RALYL: variants seen among roughly 807,000 people sequenced by gnomAD.
The protein encoded by RALYL is RALY RNA binding protein like, also known as RNA-binding Raly-like protein.
A neutral mutation model predicts 35.1 loss-of-function variants in RALYL; 29 were observed. The observed-to-expected ratio is 0.83, with a 90% CI of 0.61 to 1.13. The LOEUF is 1.13. Among genes scored for constraint, RALYL ranks in the 50% most tolerant of loss-of-function variants. RALYL has a pLI of 0.00. For missense variants in RALYL, 359 were observed against 360.4 expected, an observed-to-expected ratio of 1.00 and a Z score of 0.03; for synonymous variants, 120 against 127.6, an observed-to-expected ratio of 0.94 and a Z score of 0.40.
chr8:84,529,415 A>G lies in RALYL; in HGVS notation c.94A>G (p.Ile32Val), dbSNP rs968698549. The G allele has an allele frequency of 6.2e-7, 1 of 1,613,152 alleles. No individual in the cohort carries two copies. The highest frequency in any genetic ancestry group is 1.3e-5 in the African/African-American group (1 of 75,038). The change falls in exon 2 of 9, where the codon ATT becomes GTT. Residue 32 changes from isoleucine to valine, a missense_variant. Physicochemically the swap from Ile to Val is conservative, Grantham distance 29. Coordinates refer to ENST00000521268, the MANE Select transcript of RALYL (RefSeq NM_173848.7). Reference sequence around the variant, plus strand: ...TTTCATCGGCAATCTAAATACGGCAATTGTCAAGAAAGTTGACATTGAAGC... The same window carrying G: ...TTTCATCGGCAATCTAAATACGGCAGTTGTCAAGAAAGTTGACATTGAAGC... ...RVFIGNLNTA[I>V]VKKVDIEAIF...
At position 84,410,447 on chromosome 8, in the gene RALYL, G is replaced by C. The variant is rs369776133; in HGVS notation, c.-23-118852G>C. ...ATAAAACAATTATCAGAGTGTATCT[G>C]TCATGTATTAGACATAATAAGCGTA... On this transcript the variant is annotated intron_variant, in intron 1 of 8. Transcript: ENST00000521268. Among the ~76,000 whole-genome samples the C allele has an allele frequency of 1.5e-3, 229 of 151,992 alleles. 2 individuals are homozygous for C. The highest frequency in any genetic ancestry group is 4.5e-3 in the African/African-American group (186 of 41,534).
intron 1 of RALYL, among the ~76,000 whole-genome samples, chr8:84,306,662 A>C (rs556196574): frequency 6.6e-6 from 1 of 152,200 alleles, no homozygotes; most frequent in Non-Finnish European, 1.5e-5. Context: ...ACAGCTCTGC[A>C]GGAGCTGACA....
chr8:84,257,226 A>ATCATCT (rs1237208973), intron 1 of RALYL, among the ~76,000 whole-genome samples: 2 of 152,066 alleles, frequency 1.3e-5, no homozygotes. Flanking sequence ...GCTGAGAAAA[A>ATCATCT]GATTGCGTGA....
In RALYL at chr8:84,620,236, A is replaced by C. The variant is rs1481317888; in HGVS notation, c.256+90659A>C. On this transcript the variant is annotated intron_variant, in intron 2 of 8. Coordinates refer to ENST00000521268, the MANE Select transcript of RALYL (RefSeq NM_173848.7). ...CCCATCACTTTCAGGTACACCAATCAGACGTAGATTTGGTCTTTTCACATA... is the reference window on the plus strand; with the variant it reads ...CCCATCACTTTCAGGTACACCAATCCGACGTAGATTTGGTCTTTTCACATA... Among the ~76,000 whole-genome samples the C allele has an allele frequency of 5.3e-5, 8 of 152,336 alleles. No homozygotes were observed. In the East Asian group the frequency reaches 1.3e-3, roughly 26 times the overall value.
intron 1 of RALYL, among the ~76,000 whole-genome samples, chr8:84,508,191 C>A (rs981056239): frequency 4.6e-5 from 7 of 151,954 alleles, no homozygotes; most frequent in African/African-American, 1.7e-4. Context: ...TGTTCAAGTT[C>A]ACATGCCTTG....
At chr8:84,550,298 A>C (rs1401354200) in intron 2 of RALYL, among the ~76,000 whole-genome samples, 1 of 152,094 alleles carries the variant, frequency 6.6e-6, no homozygotes, top group Non-Finnish European at 1.5e-5. Flanking sequence ...TATAAAAACT[A>C]GATTGGCAGT....
intron 8 of RALYL, among the ~76,000 whole-genome samples, chr8:84,903,657 C>T (rs190414749): frequency 2.6e-5 from 4 of 152,110 alleles, no homozygotes; most frequent in Admixed American, 6.6e-5. Context: ...TAGCCTTGCA[C>T]GTAGTTTGCC....
intron 1 of RALYL, among the ~76,000 whole-genome samples, chr8:84,419,464 G>A (rs111240147): frequency 1.6e-4 from 24 of 151,440 alleles, no homozygotes; most frequent in Admixed American, 7.2e-4. Context: ...CCTAAAACTT[G>A]TCTTCATCTA....
chr8:84,304,044 TTTCTC>T (rs1841319761), intron 1 of RALYL, among the ~76,000 whole-genome samples: 1 of 152,158 alleles, frequency 6.6e-6, no homozygotes, highest in Non-Finnish European at 1.5e-5. Flanking sequence ...TAATGGGAAC[TTTCTC>T]TTTTTATTGG....
At chr8:84,387,326 A>G (rs1257551950) in intron 1 of RALYL, among the ~76,000 whole-genome samples, 1 of 151,910 alleles carries the variant, frequency 6.6e-6, no homozygotes, top group African/African-American at 2.4e-5. Flanking sequence ...TTCTTCAAGC[A>G]TGTTATCAAA....
chr8:84,209,957 T>C (rs1177404999), intron 1 of RALYL, among the ~76,000 whole-genome samples: 1 of 152,150 alleles, frequency 6.6e-6, no homozygotes, highest in African/African-American at 2.4e-5. Context: ...TGACAACCTA[T>C]GTAGTGTGAT....
At chr8:84,682,498 A>G (rs899826615) in intron 2 of RALYL, among the ~76,000 whole-genome samples, 3 of 152,096 alleles carry the variant, frequency 2.0e-5, no homozygotes, top group Non-Finnish European at 4.4e-5. Flanking sequence ...TAGGCTATTA[A>G]TTATTGCCTC....
At chr8:84,365,351 T>C (rs186838415) in intron 1 of RALYL, among the ~76,000 whole-genome samples, 1 of 152,276 alleles carries the variant, frequency 6.6e-6, no homozygotes, top group Non-Finnish European at 1.5e-5. Context: ...CCTTTTCAAA[T>C]TGTGTTAATG....
intron 2 of RALYL, among the ~76,000 whole-genome samples, chr8:84,604,970 T>A (rs1464820129): frequency 7.2e-6 from 1 of 137,958 alleles, no homozygotes; most frequent in Non-Finnish European, 1.6e-5. Context: ...ATTCTGTTCT[T>A]CAAACAATTC....
At chr8:84,704,446 GACAC>G (rs3068023) in intron 2 of RALYL, among the ~76,000 whole-genome samples, 2,152 of 104,040 alleles carry the variant, frequency 0.021, 23 homozygotes, top group Middle Eastern at 0.051. Flanking sequence ...AATACACACA[GACAC>G]ACACACACAC....
At chr8:84,668,240 C>T (rs964238637) in intron 2 of RALYL, among the ~76,000 whole-genome samples, 3 of 152,244 alleles carry the variant, frequency 2.0e-5, no homozygotes, top group Non-Finnish European at 2.9e-5. Flanking sequence ...CCTTATTTCA[C>T]GTTGTCCTTC....
At chr8:84,737,447 A>G (rs1008383501) in intron 2 of RALYL, among the ~76,000 whole-genome samples, 2 of 152,000 alleles carry the variant, frequency 1.3e-5, no homozygotes, top group East Asian at 1.9e-4. Flanking sequence ...CTAATAATCT[A>G]TATCTTGCAG....
chr8:84,399,321 G>A (rs1269258525), intron 1 of RALYL, among the ~76,000 whole-genome samples: 1 of 152,156 alleles, frequency 6.6e-6, no homozygotes, highest in South Asian at 2.1e-4. Flanking sequence ...TTTATAGCTA[G>A]ACAGTTACAT....
At chr8:84,327,155 T>G (rs1463317765) in intron 1 of RALYL, among the ~76,000 whole-genome samples, 1 of 152,030 alleles carries the variant, frequency 6.6e-6, no homozygotes, top group East Asian at 1.9e-4. Context: ...TGTAGTGCAG[T>G]GAAAACTCAG....
Sources: gnomAD v4.1 joint callset for allele counts (sites outside exome capture counted in the v4.1 genomes callset) on GRCh38, gnomAD v4.1.1 for gene constraint, MANE v1.5 for transcripts, NCBI Gene and HGNC (gene_info 2026-07-23, HGNC 2026-07-21) for gene names.